TNNI3K: variants seen among roughly 807,000 people sequenced by gnomAD.
TNNI3K encodes the protein serine/threonine-protein kinase TNNI3K.
Under a neutral mutation model 114.5 loss-of-function variants are expected in TNNI3K, and 140 were observed. The observed-to-expected ratio is 1.22, with a 90% CI of 1.07 to 1.41. TNNI3K has a LOEUF of 1.41. Ranked by LOEUF, TNNI3K falls within the 40% of genes most tolerant of loss-of-function variation. TNNI3K has a pLI of 0.00. For missense variants in TNNI3K, 1,125 were observed against 1,007.6 expected (o/e 1.12, Z -1.58); for synonymous variants, 347 against 347.5 (o/e 1.00, Z 0.02).
At chr1:74,514,700 A>G (rs1353594325) in intron 23 of TNNI3K, among the ~76,000 whole-genome samples, 11 of 152,162 alleles carry the variant, frequency 7.2e-5, no homozygotes, top group African/African-American at 2.7e-4. Context: ...TGCTCTTTTT[A>G]GGACACCATA....
intron 17 of TNNI3K, among the ~76,000 whole-genome samples, chr1:74,417,096 A>G (rs943349866): frequency 3.9e-5 from 6 of 152,108 alleles, no homozygotes; most frequent in Non-Finnish European, 7.4e-5. Flanking sequence ...TATCTTTTAA[A>G]AATTGAAATT....
intron 21 of TNNI3K, among the ~76,000 whole-genome samples, chr1:74,474,407 C>G (rs1668088991): frequency 6.6e-6 from 1 of 152,096 alleles, no homozygotes; most frequent in African/African-American, 2.4e-5. Flanking sequence ...AACTCACATC[C>G]TACCTTATAA....
chr1:74,504,321 C>G (rs925532108), intron 23 of TNNI3K, among the ~76,000 whole-genome samples: 2 of 152,158 alleles, frequency 1.3e-5, no homozygotes, highest in Non-Finnish European at 2.9e-5. Flanking sequence ...TGCTCTCTAA[C>G]GCCATCTAGC....
At chr1:74,351,266 C>A (rs1200682404) in intron 9 of TNNI3K, among the ~76,000 whole-genome samples, 1 of 150,612 alleles carries the variant, frequency 6.6e-6, no homozygotes, top group East Asian at 1.9e-4. Context: ...GTTGAAAATT[C>A]TTTTCTTTAA....
At chr1:74,291,173 C>T (rs536042405) in intron 5 of TNNI3K, among the ~76,000 whole-genome samples, 2 of 151,560 alleles carry the variant, frequency 1.3e-5, no homozygotes, top group African/African-American at 2.4e-5. Flanking sequence ...TCTATGGTAA[C>T]TATTCCTTTG....
chr1:74,273,394 G>A (rs967162173), intron 5 of TNNI3K, among the ~76,000 whole-genome samples: 4 of 151,910 alleles, frequency 2.6e-5, no homozygotes, highest in African/African-American at 7.2e-5. Flanking sequence ...TGAGGCCAGT[G>A]ATAAAGTAAA....
chr1:74,361,616 C>T (rs1007734130), intron 11 of TNNI3K, among the ~76,000 whole-genome samples: 1 of 151,990 alleles, frequency 6.6e-6, no homozygotes. Context: ...CTTGAAGACA[C>T]AGGCTGCAAG....
At chr1:74,528,000 T>A (rs1646529529) in intron 23 of TNNI3K, among the ~76,000 whole-genome samples, 1 of 152,010 alleles carries the variant, frequency 6.6e-6, no homozygotes, top group South Asian at 2.1e-4. Flanking sequence ...AGTGCTTAAG[T>A]ATGGTAAATA....
intron 23 of TNNI3K, among the ~76,000 whole-genome samples, chr1:74,528,964 T>A (rs2100434312): frequency 6.6e-6 from 1 of 152,284 alleles, no homozygotes; most frequent in East Asian, 1.9e-4. Flanking sequence ...CAAAGAAAGA[T>A]GGTGACATAA....
At chr1:74,489,334 T>C (rs1305325082) in intron 22 of TNNI3K, 86 bp downstream of exon 22, 3 of 1,414,094 alleles carry the variant, frequency 2.1e-6, no homozygotes, top group Admixed American at 4.4e-5. Context: ...CTGGTGCTTA[T>C]GAAAAGTTAC....
At chr1:74,535,072 G>A (rs760229970) in intron 23 of TNNI3K, among the ~76,000 whole-genome samples, 6 of 152,146 alleles carry the variant, frequency 3.9e-5, no homozygotes, top group Non-Finnish European at 8.8e-5. Context: ...TGTTGGACAC[G>A]TCAGATAAGG....
intron 5 of TNNI3K, among the ~76,000 whole-genome samples, chr1:74,301,238 A>G (rs45626740): frequency 0.087 from 13,273 of 152,076 alleles, 757 homozygotes; most frequent in Middle Eastern, 0.13. Flanking sequence ...TGTCTCTACT[A>G]AAAATACAAA....
At chr1:74,277,833 G>T (rs76347195) in intron 5 of TNNI3K, among the ~76,000 whole-genome samples, 1 of 152,114 alleles carries the variant, frequency 6.6e-6, no homozygotes, top group South Asian at 2.1e-4. Context: ...GAAGGTGAGC[G>T]TATTATTCAT....
chr1:74,523,328 T>C (rs1357550646), intron 23 of TNNI3K, among the ~76,000 whole-genome samples: 6 of 152,224 alleles, frequency 3.9e-5, no homozygotes, highest in African/African-American at 7.2e-5. Context: ...TATCATCAAA[T>C]TTTGAGCATG....
chr1:74,424,698 G>GT (rs1381254764), intron 17 of TNNI3K, among the ~76,000 whole-genome samples: 6 of 142,334 alleles, frequency 4.2e-5, no homozygotes, highest in Non-Finnish European at 9.1e-5. Flanking sequence ...TCCAGCCTGG[G>GT]TGACAGAGTG....
intron 1 of TNNI3K, 112 bp from the exon 2 acceptor site, chr1:74,235,989 AG>A (rs1300236523): frequency 3.2e-6 from 2 of 621,226 alleles, no homozygotes; most frequent in Non-Finnish European, 5.3e-6. Flanking sequence ...ATTTAAATTA[AG>A]TATTGTAGAA....
chr1:74,475,459 C>A, intron 21 of TNNI3K: 2 of 717,076 alleles, frequency 2.8e-6, no homozygotes, highest in East Asian at 5.4e-5. Context: ...ATGCAGCAAT[C>A]TACCATCCTG....
chr1:74,284,370 G>T (rs925550307), intron 5 of TNNI3K, among the ~76,000 whole-genome samples: 5 of 152,172 alleles, frequency 3.3e-5, no homozygotes, highest in Non-Finnish European at 7.4e-5. Context: ...CTCAGCAACT[G>T]TCCTCTCTCA....
chr1:74,419,523 T>C (rs1665293153), intron 17 of TNNI3K, among the ~76,000 whole-genome samples: 2 of 152,176 alleles, frequency 1.3e-5, no homozygotes, highest in South Asian at 2.1e-4. Context: ...TGCTATTGTG[T>C]ATTGAGTGCC....
Sources: gnomAD v4.1 joint callset for allele counts (sites outside exome capture counted in the v4.1 genomes callset) on GRCh38, gnomAD v4.1.1 for gene constraint, MANE v1.5 for transcripts, NCBI Gene and HGNC (gene_info 2026-07-23, HGNC 2026-07-21) for gene names.